INO80D: variants seen among roughly 807,000 people sequenced by gnomAD.
INO80D encodes the protein INO80 complex subunit D.
A neutral mutation model predicts 87.6 loss-of-function variants in INO80D; 21 were observed. The ratio of observed to expected loss-of-function variants is 0.24; its 90% CI spans 0.17 to 0.35. The LOEUF is 0.35. Ranked by LOEUF, INO80D falls within the 10% of genes least tolerant of loss-of-function variation. The pLI is 1.00. For missense variants in INO80D, 982 were observed against 1,280.7 expected, an observed-to-expected ratio of 0.77 and a Z score of 3.56; for synonymous variants, 440 against 491.0, an observed-to-expected ratio of 0.90 and a Z score of 1.37.
Position 206,003,262 on chromosome 2 carries a change from A to G in INO80D, c.*1106T>C, listed in dbSNP as rs567735527. Reference sequence around the variant, plus strand: ...GTCTTAACATTTTACAAATCTTACCAAAGAATCACTACTGTAAACATGAAA... The same window carrying G: ...GTCTTAACATTTTACAAATCTTACCGAAGAATCACTACTGTAAACATGAAA... On this transcript the variant is annotated 3_prime_UTR_variant, in exon 11 of 11. Coordinates refer to ENST00000403263, the MANE Select transcript of INO80D (RefSeq NM_017759.5). The G allele has an allele frequency of 9.3e-4, 142 of 152,374 alleles. No homozygotes were observed. Among genetic ancestry groups the G allele is most frequent in the African/African-American group, 3.2e-3 (132 of 41,596 alleles). 9.4% of individuals were successfully genotyped at this position (152,374 alleles called of 1,614,324 possible). A position where few individuals can be genotyped will look rare whatever the true frequency, so the allele number is the denominator to read the frequency against.
At chr2:206,033,066 C>G (rs1486727983) in intron 5 of INO80D, among the ~76,000 whole-genome samples, 3 of 152,122 alleles carry the variant, frequency 2.0e-5, no homozygotes, top group Admixed American at 2.0e-4. Context: ...ACCCACCAAC[C>G]AACTATCTGC....
At chr2:206,012,239 G>A (rs1441426877) in intron 8 of INO80D, among the ~76,000 whole-genome samples, 1 of 152,206 alleles carries the variant, frequency 6.6e-6, no homozygotes, top group Non-Finnish European at 1.5e-5. Context: ...CAGTGGGGAT[G>A]GAGTAAAGGG....
In INO80D at chr2:206,073,895, A is replaced by AG. The variant is rs555535028; in HGVS notation, c.-123-10652dup. 1.0e-3 allele frequency among the ~76,000 whole-genome samples: 154 copies of AG among 152,084 alleles called. 1 individual carries two copies. Among genetic ancestry groups the AG allele is most frequent in the Non-Finnish European group, 1.5e-3 (105 of 67,962 alleles). ...TTGTTTTTGTTTTTGTTTTTAGAAA[A>AG]GGGGGGTGTCTCACTATGTTGCCCA... On this transcript the variant is annotated intron_variant, in intron 1 of 10. Coordinates refer to ENST00000403263, the MANE Select transcript of INO80D (RefSeq NM_017759.5).
intron 5 of INO80D, among the ~76,000 whole-genome samples, chr2:206,043,806 C>T (rs1689124110): frequency 1.3e-5 from 2 of 152,186 alleles, no homozygotes. Context: ...CAATTTTCTA[C>T]AGCTCCCCAT....
At chr2:206,043,924 G>A (rs999694342) in intron 5 of INO80D, among the ~76,000 whole-genome samples, 5 of 152,124 alleles carry the variant, frequency 3.3e-5, no homozygotes, top group African/African-American at 9.7e-5. Flanking sequence ...AGGCATGGTC[G>A]CTCATGCCTA....
At chr2:206,082,251 C>T (rs1006947790) in intron 1 of INO80D, among the ~76,000 whole-genome samples, 2 of 152,100 alleles carry the variant, frequency 1.3e-5, no homozygotes, top group Non-Finnish European at 2.9e-5. Context: ...AACTCCGGAC[C>T]TCAGGTGATC....
At chr2:206,047,855 A>ATTTTTTTTT (rs1559451845) in intron 4 of INO80D, among the ~76,000 whole-genome samples, 4 of 70,960 alleles carry the variant, frequency 5.6e-5, no homozygotes, top group Non-Finnish European at 1.5e-4. Context: ...GATTTCTTTC[A>ATTTTTTTTT]ATTTTTTTTT....
chr2:206,021,697 T>G (rs1469255916), intron 6 of INO80D, among the ~76,000 whole-genome samples: 1 of 152,012 alleles, frequency 6.6e-6, no homozygotes, highest in Non-Finnish European at 1.5e-5. Flanking sequence ...ACTGCAACCC[T>G]CACCTCCCGG....
chr2:206,076,033 T>G (rs940872496), intron 1 of INO80D, among the ~76,000 whole-genome samples: 5 of 138,336 alleles, frequency 3.6e-5, no homozygotes, highest in African/African-American at 1.3e-4. Context: ...GCCTGGGCAA[T>G]AGAGTGAGAC....
At chr2:206,071,511 A>G (rs1238388948) in intron 1 of INO80D, among the ~76,000 whole-genome samples, 1 of 133,144 alleles carries the variant, frequency 7.5e-6, no homozygotes, top group East Asian at 2.2e-4. Context: ...AGGGGTATCA[A>G]TTATTGGCAT....
chr2:206,007,267 CA>C lies in INO80D; in HGVS notation c.1918+16del. The stretch of plus-strand genomic sequence containing the variant: ...ATTTTTAAAACCAGTTTCCTTGAGT[CA>C]AAATATTGACTATACCTTCAAAAAA... On this transcript the variant is annotated intron_variant, in intron 10 of 10. Coordinates refer to ENST00000403263, the MANE Select transcript of INO80D (RefSeq NM_017759.5). 1 of 1,604,304 alleles carries C rather than the reference CA, an allele frequency of 6.2e-7. No homozygotes were observed. Among genetic ancestry groups the C allele is most frequent in the Non-Finnish European group, 8.5e-7 (1 of 1,177,158 alleles).
intron 8 of INO80D, among the ~76,000 whole-genome samples, chr2:206,010,720 T>C (rs576141265): frequency 3.9e-5 from 6 of 152,152 alleles, no homozygotes; most frequent in Non-Finnish European, 8.8e-5. Context: ...CCTACTCAAA[T>C]GCTTGAATGT....
In INO80D at chr2:206,005,137, T is replaced by C; in HGVS notation, c.2315A>G (p.Gln772Arg). Reference protein sequence around the residue: ...VGLTSATLISQSALGERAFPG... With the variant: ...VGLTSATLISRSALGERAFPG... ...GAAGGCTCTCTCCCCAAGTGCACTC[T>C]GGCTGATCAGAGTGGCAGAAGTAAG... Residue 772 changes from glutamine (Q) to arginine (R), a missense_variant, in exon 11 of 11, where the codon CAG (glutamine) becomes CGG (arginine). Transcript: ENST00000403263. The C allele has an allele frequency of 6.2e-7, 1 of 1,613,988 alleles. No individual in the cohort carries two copies. The highest frequency in any genetic ancestry group is 8.5e-7 in the Non-Finnish European group (1 of 1,179,880).
Position 206,050,485 on chromosome 2 carries a change from C to A in INO80D, c.965-3873G>T, listed in dbSNP as rs191316193. On this transcript the variant is annotated intron_variant, in intron 4 of 10. Transcript: ENST00000403263. ...GCAGCCTGGGTGACAGAGCAGGACTCCGTCTCAAAAGAAAAAAAAAAAAAA... is the reference window on the plus strand; with the variant it reads ...GCAGCCTGGGTGACAGAGCAGGACTACGTCTCAAAAGAAAAAAAAAAAAAA... Among the ~76,000 whole-genome samples, 885 of 121,028 alleles carry A rather than the reference C, an allele frequency of 7.3e-3. 16 individuals carry two copies. Among genetic ancestry groups the A allele is most frequent in the African/African-American group, 0.026 (831 of 32,080 alleles). The allele number at this position is 121,028 out of a possible 152,430, so 79.4% of individuals were successfully genotyped here.
At chr2:206,059,438 G>A (rs925596432) in intron 3 of INO80D, among the ~76,000 whole-genome samples, 1 of 152,110 alleles carries the variant, frequency 6.6e-6, no homozygotes, top group African/African-American at 2.4e-5. Flanking sequence ...GCATATAGGT[G>A]ATAGCTCCAA....
At chr2:206,027,156 G>GCGCACACA (rs1395416263) in intron 6 of INO80D, among the ~76,000 whole-genome samples, 3 of 151,198 alleles carry the variant, frequency 2.0e-5, no homozygotes, top group African/African-American at 7.3e-5. Flanking sequence ...GCGCGCACGC[G>GCGCACACA]CACACACACA....
rs1687958584 is a variant in INO80D at position 206,004,232 on chromosome 2, T to C, written c.*136A>G. 7.6e-6 allele frequency: 6 copies of C among 785,362 alleles called. No homozygotes were observed. The highest frequency in any genetic ancestry group is 5.3e-5 in the South Asian group (3 of 56,840). The allele number at this position is 785,362 out of a possible 1,614,324, so 48.6% of individuals were successfully genotyped here. On this transcript the variant is annotated 3_prime_UTR_variant, in exon 11 of 11. Coordinates refer to ENST00000403263, the MANE Select transcript of INO80D (RefSeq NM_017759.5). The surrounding 1 kb of genome is among the most constrained non-coding windows in gnomAD (Gnocchi z 4.9). Reference sequence around the variant, plus strand: ...GCGAGGTCCACTGCAGGGCCACTCATTGAACTGGGAAGGGGGGTGCCCCTC... The same window carrying C: ...GCGAGGTCCACTGCAGGGCCACTCACTGAACTGGGAAGGGGGGTGCCCCTC...
intron 6 of INO80D, among the ~76,000 whole-genome samples, chr2:206,027,910 T>TAA (rs1302694162): frequency 6.6e-6 from 1 of 152,198 alleles, no homozygotes; most frequent in Non-Finnish European, 1.5e-5. Flanking sequence ...AAAATTTTAG[T>TAA]AATGGTTTAA....
At chr2:206,050,830 G>C (rs1029975524) in intron 4 of INO80D, among the ~76,000 whole-genome samples, 16 of 151,962 alleles carry the variant, frequency 1.1e-4, no homozygotes, top group Non-Finnish European at 1.9e-4. Context: ...TTAGCTGGGC[G>C]TGGTCGCGGG....
Sources: gnomAD v4.1 joint callset for allele counts (sites outside exome capture counted in the v4.1 genomes callset) on GRCh38, gnomAD v4.1.1 for gene constraint, Gnocchi (gnomAD v3.1) non-coding constraint, MANE v1.5 for transcripts, NCBI Gene and HGNC (gene_info 2026-07-23, HGNC 2026-07-21) for gene names.